Variants in CPQ observed in about 807,000 individuals in gnomAD.
CPQ encodes the protein Ser-Met dipeptidase.
Under a neutral mutation model 45.7 loss-of-function variants are expected in CPQ, and 37 were observed. That is an observed-to-expected ratio of 0.81 (90% CI 0.62 to 1.07). The LOEUF is 1.07. CPQ is among the 50% of genes least tolerant of loss of function. The probability of loss-of-function intolerance (pLI) is 0.00; values close to 1 mark genes in which losing one functional copy is unlikely to be tolerated. For synonymous variants in CPQ, 186 were observed against 205.8 expected (o/e 0.90, Z 0.82); for missense variants, 537 against 572.9 (o/e 0.94, Z 0.64).
chr8:96,948,085 T>C (rs1813214413), intron 4 of CPQ, among the ~76,000 whole-genome samples: 1 of 151,982 alleles, frequency 6.6e-6, no homozygotes, highest in South Asian at 2.1e-4. Context: ...ATACTTAGCT[T>C]CTTCCTAGAA....
At chr8:96,995,002 T>C (rs1300484492) in intron 5 of CPQ, among the ~76,000 whole-genome samples, 1 of 151,882 alleles carries the variant, frequency 6.6e-6, no homozygotes, top group Non-Finnish European at 1.5e-5. Context: ...GCTATGAGGA[T>C]GGAGCAGAGG....
At chr8:97,039,668 G>A (rs1056130234) in intron 6 of CPQ, among the ~76,000 whole-genome samples, 11 of 149,868 alleles carry the variant, frequency 7.3e-5, no homozygotes, top group African/African-American at 2.2e-4. Flanking sequence ...AGAGTGTGAT[G>A]TTCCCCTTCC....
intron 5 of CPQ, among the ~76,000 whole-genome samples, chr8:96,997,096 C>T (rs1164690206): frequency 6.6e-6 from 1 of 151,922 alleles, no homozygotes; most frequent in Non-Finnish European, 1.5e-5. Context: ...CAAATGTTTT[C>T]TTAGCCTCAA....
At position 96,732,980 on chromosome 8, in the gene CPQ, TGA is replaced by T. The variant is rs566436242; in HGVS notation, c.-34-51879_-34-51878del. On this transcript the variant is annotated intron_variant, in intron 1 of 7. Coordinates refer to ENST00000220763, the MANE Select transcript of CPQ (RefSeq NM_016134.4). ...AAGGTAGTTCTAATCAAGGTATATG[TGA>T]GAGACTAATTAATGGTAGGACTCAA... Among the ~76,000 whole-genome samples the T allele has an allele frequency of 8.2e-4, 125 of 152,334 alleles. 1 individual carries two copies. Among genetic ancestry groups the T allele is most frequent in the Non-Finnish European group, 1.6e-3 (112 of 68,034 alleles).
At chr8:96,831,182 T>C (rs767118710) in intron 2 of CPQ, among the ~76,000 whole-genome samples, 1 of 152,152 alleles carries the variant, frequency 6.6e-6, no homozygotes, top group Non-Finnish European at 1.5e-5. Flanking sequence ...TGGGGTATTA[T>C]ACTTTTATTT....
intron 4 of CPQ, among the ~76,000 whole-genome samples, chr8:96,910,872 T>C (rs1173920963): frequency 6.6e-6 from 1 of 152,076 alleles, no homozygotes; most frequent in East Asian, 1.9e-4. Flanking sequence ...AAGTATCTTG[T>C]TGAAGTCACA....
intron 1 of CPQ, among the ~76,000 whole-genome samples, chr8:96,710,120 G>A (rs1266684007): frequency 6.6e-6 from 1 of 151,990 alleles, no homozygotes; most frequent in African/African-American, 2.4e-5. Context: ...AAGCTAGGAG[G>A]GTTGTATATT....
chr8:97,071,246 T>C (rs1363934128), intron 7 of CPQ, among the ~76,000 whole-genome samples: 2 of 152,314 alleles, frequency 1.3e-5, no homozygotes, highest in East Asian at 3.9e-4. Context: ...ATTTATTTGT[T>C]ATTAAGCATC....
intron 6 of CPQ, among the ~76,000 whole-genome samples, chr8:97,044,896 T>TG (rs1176180570): frequency 6.6e-6 from 1 of 152,140 alleles, no homozygotes; most frequent in African/African-American, 2.4e-5. Flanking sequence ...CTGCCCCTAC[T>TG]GGGGGGTGCC....
chr8:97,081,108 C>T (rs1214414247), intron 7 of CPQ, among the ~76,000 whole-genome samples: 1 of 152,124 alleles, frequency 6.6e-6, no homozygotes, highest in East Asian at 1.9e-4. Context: ...ATAAAATCTA[C>T]ATTTTTACAG....
At chr8:96,697,656 G>T (rs1163881360) in intron 1 of CPQ, among the ~76,000 whole-genome samples, 5 of 152,134 alleles carry the variant, frequency 3.3e-5, no homozygotes, top group East Asian at 3.8e-4. Context: ...AACAAATTCA[G>T]TAAGGTGGCA....
intron 4 of CPQ, among the ~76,000 whole-genome samples, chr8:96,908,777 A>ACACACACCCC (rs147900019): frequency 4.0e-5 from 6 of 150,164 alleles, no homozygotes; most frequent in African/African-American, 1.5e-4. Flanking sequence ...ACACACACAC[A>ACACACACCCC]CCATATATTC....
chr8:96,822,732 T>C (rs1348469105), intron 2 of CPQ, among the ~76,000 whole-genome samples: 1 of 152,020 alleles, frequency 6.6e-6, no homozygotes, highest in Non-Finnish European at 1.5e-5. Flanking sequence ...AAGGTTTTCC[T>C]GCCTAGAGGC....
chr8:96,837,240 C>T (rs1418993576), intron 3 of CPQ, among the ~76,000 whole-genome samples: 1 of 152,124 alleles, frequency 6.6e-6, no homozygotes, highest in African/African-American at 2.4e-5. Flanking sequence ...GTTTTTAGAA[C>T]CAAATTTCTT....
At chr8:96,673,987 G>GT (rs61306954) in intron 1 of CPQ, among the ~76,000 whole-genome samples, 151,977 of 152,286 alleles carry the variant, frequency 1, 75,845 homozygotes, top group Middle Eastern at 1. Flanking sequence ...AAGTGGAGGA[G>GT]GGGGGATACT....
chr8:97,121,914 A>G (rs531543010), intron 7 of CPQ, among the ~76,000 whole-genome samples: 2 of 152,144 alleles, frequency 1.3e-5, no homozygotes, highest in Non-Finnish European at 1.5e-5. Flanking sequence ...CAAATAAAAG[A>G]TACATGAACT....
At chr8:96,912,239 T>C (rs959578675) in intron 4 of CPQ, among the ~76,000 whole-genome samples, 4 of 152,216 alleles carry the variant, frequency 2.6e-5, no homozygotes, top group African/African-American at 9.6e-5. Context: ...ATTTTGAAAG[T>C]TTTATACCTT....
intron 3 of CPQ, among the ~76,000 whole-genome samples, chr8:96,867,616 C>A (rs1416216571): frequency 6.6e-6 from 1 of 151,764 alleles, no homozygotes; most frequent in Admixed American, 6.6e-5. Flanking sequence ...ATCCCACCAC[C>A]CAGACAAAAC....
At chr8:96,858,556 A>C (rs1811883500) in intron 3 of CPQ, among the ~76,000 whole-genome samples, 2 of 152,148 alleles carry the variant, frequency 1.3e-5, no homozygotes, top group African/African-American at 4.8e-5. Context: ...GGGGTAGTTA[A>C]TGAGCAGAGG....
Sources: allele counts gnomAD v4.1 joint callset (sites outside exome capture counted in the v4.1 genomes callset), GRCh38; gene constraint gnomAD v4.1.1; transcripts MANE v1.5; gene names NCBI Gene and HGNC (gene_info 2026-07-23, HGNC 2026-07-21).